Variants in HDAC8 observed in about 807,000 individuals in gnomAD.
HDAC8 encodes the protein histone deacetylase-like 1.
Under a neutral mutation model 32.2 loss-of-function variants are expected in HDAC8, and 1 was observed. That is an observed-to-expected ratio of 0.03 (90% confidence interval 0.01 to 0.15). The LOEUF (loss-of-function observed/expected upper bound fraction) is 0.15, where lower values mean the gene tolerates loss of function less well. Among genes scored for constraint, HDAC8 ranks in the 10% least tolerant of loss-of-function variants. The pLI, the probability that HDAC8 is intolerant of heterozygous loss-of-function variation, is 1.00. For synonymous variants in HDAC8, 108 were observed against 113.9 expected, an observed-to-expected ratio of 0.95 and a Z score of 0.33; for missense variants, 117 against 300.0, an observed-to-expected ratio of 0.39 and a Z score of 4.51.
intron 7 of HDAC8, among the ~76,000 whole-genome samples, chrX:72,487,593 C>T (rs2048719344): frequency 9.1e-6 from 1 of 110,159 alleles, no homozygotes. Context: ...TTAGGGTGAT[C>T]CATCTAGGGA....
intron 4 of HDAC8, among the ~76,000 whole-genome samples, chrX:72,512,769 A>C (rs981236938): frequency 1.8e-5 from 2 of 110,742 alleles, no homozygotes; most frequent in Non-Finnish European, 3.8e-5. Context: ...GACCTTCCTA[A>C]AGCACAACCC....
At position 72,497,414 on chromosome X, in the gene HDAC8, TA is replaced by T. The variant is rs558323726; in HGVS notation, c.438-2147del. ...TGAACGTTCAAGATTTTCAATATGC[TA>T]AAAAAAGTATTCCTATAAAAACAAA... On this transcript the variant is annotated intron_variant, in intron 4 of 10. Coordinates refer to ENST00000373573, the MANE Select transcript of HDAC8 (RefSeq NM_018486.3). 1.1e-4 allele frequency among the ~76,000 whole-genome samples: 12 copies of T among 111,672 alleles called. No individual in the cohort carries two copies. In the South Asian group the frequency reaches 4.5e-3, roughly 42 times the overall value.
chrX:72,435,785 T>C (rs1175424656), intron 9 of HDAC8, among the ~76,000 whole-genome samples: 4 of 110,796 alleles, frequency 3.6e-5, no homozygotes, highest in Non-Finnish European at 7.6e-5. Context: ...ATGGCCAACA[T>C]GGTGAAATCC....
intron 4 of HDAC8, among the ~76,000 whole-genome samples, chrX:72,508,683 G>A (rs1186129394): frequency 9.0e-6 from 1 of 111,575 alleles, no homozygotes; most frequent in Non-Finnish European, 1.9e-5. Context: ...CACAAGAGTA[G>A]GTCTGTTATA....
At chrX:72,434,022 A>C (rs1395095249) in intron 9 of HDAC8, among the ~76,000 whole-genome samples, 1 of 112,684 alleles carries the variant, frequency 8.9e-6, no homozygotes, top group Admixed American at 9.4e-5. Context: ...TAAATAAACT[A>C]ATGCATGTGG....
intron 9 of HDAC8, among the ~76,000 whole-genome samples, chrX:72,439,737 A>G (rs1257792673): frequency 2.7e-5 from 3 of 111,147 alleles, no homozygotes; most frequent in African/African-American, 3.3e-5. Flanking sequence ...AGGGCATTAC[A>G]TAATGGTAAA....
chrX:72,354,684 A>T (rs983783185), intron 9 of HDAC8, among the ~76,000 whole-genome samples: 20 of 111,675 alleles, frequency 1.8e-4, no homozygotes, highest in African/African-American at 5.2e-4. Context: ...AAAATTTTTT[A>T]AATGTCAATA....
At chrX:72,555,647 A>G (rs2051258689) in intron 4 of HDAC8, among the ~76,000 whole-genome samples, 1 of 112,573 alleles carries the variant, frequency 8.9e-6, no homozygotes, top group African/African-American at 3.2e-5. Flanking sequence ...CAAACAGAAG[A>G]AAGAACTTCA....
intron 7 of HDAC8, among the ~76,000 whole-genome samples, chrX:72,466,520 G>A (rs1449291930): frequency 8.9e-6 from 1 of 112,187 alleles, no homozygotes; most frequent in Admixed American, 9.4e-5. Flanking sequence ...GAACTACACT[G>A]AGCCAACTCT....
At chrX:72,566,147 G>A (rs782708652) in intron 4 of HDAC8, among the ~76,000 whole-genome samples, 3 of 108,299 alleles carry the variant, frequency 2.8e-5, no homozygotes, top group South Asian at 8.3e-4. Context: ...ACTCTGTCTC[G>A]AAAAAAACAA....
chrX:72,374,643 G>T (rs1391404104), intron 9 of HDAC8, among the ~76,000 whole-genome samples: 3 of 109,980 alleles, frequency 2.7e-5, no homozygotes, highest in African/African-American at 9.9e-5. Flanking sequence ...TTGCACTACA[G>T]CCTGGGTGAT....
chrX:72,438,280 C>T (rs1173955886), intron 9 of HDAC8, among the ~76,000 whole-genome samples: 1 of 112,086 alleles, frequency 8.9e-6, no homozygotes, highest in Non-Finnish European at 1.9e-5. Context: ...AACTAACAAA[C>T]AGAAAGGAAT....
At chrX:72,363,507 T>C (rs1377473944) in intron 9 of HDAC8, among the ~76,000 whole-genome samples, 1 of 111,391 alleles carries the variant, frequency 9.0e-6, no homozygotes, top group Non-Finnish European at 1.9e-5. Context: ...TTCTCTTTTC[T>C]TCAACACCTT....
At chrX:72,362,578 T>C (rs1314722571) in intron 9 of HDAC8, among the ~76,000 whole-genome samples, 1 of 112,406 alleles carries the variant, frequency 8.9e-6, no homozygotes, top group African/African-American at 3.2e-5. Flanking sequence ...AGAACCTACC[T>C]TTTAGGATTG....
intron 10 of HDAC8, among the ~76,000 whole-genome samples, chrX:72,335,909 TA>T (rs781970503): frequency 0.043 from 3,640 of 85,027 alleles, 159 homozygotes; most frequent in African/African-American, 0.14. Flanking sequence ...ACACTGTCTC[TA>T]AAAAAAAAAA....
At chrX:72,542,381 C>T (rs1485785512) in intron 4 of HDAC8, among the ~76,000 whole-genome samples, 1 of 112,130 alleles carries the variant, frequency 8.9e-6, no homozygotes, top group African/African-American at 3.2e-5. Flanking sequence ...CTACTGTAAT[C>T]ACTCCATTAC....
intron 10 of HDAC8, among the ~76,000 whole-genome samples, chrX:72,350,572 G>A: frequency 8.9e-6 from 1 of 111,939 alleles, no homozygotes; most frequent in Non-Finnish European, 1.9e-5. Flanking sequence ...CCCTGTCCAG[G>A]TTAGGCAAAA....
At chrX:72,460,427 C>G (rs1279417389) in intron 9 of HDAC8, among the ~76,000 whole-genome samples, 5 of 111,658 alleles carry the variant, frequency 4.5e-5, no homozygotes, top group African/African-American at 6.5e-5. Flanking sequence ...TGTAAGCCAC[C>G]ATGCCCGGCC....
intron 9 of HDAC8, among the ~76,000 whole-genome samples, chrX:72,415,865 T>C (rs1555971564): frequency 8.9e-6 from 1 of 111,953 alleles, no homozygotes; most frequent in Non-Finnish European, 1.9e-5. Flanking sequence ...AGATTTTCTA[T>C]GTACACAATC....
Sources: gnomAD v4.1 joint callset for allele counts (sites outside exome capture counted in the v4.1 genomes callset) on GRCh38, gnomAD v4.1.1 for gene constraint, MANE v1.5 for transcripts, NCBI Gene and HGNC (gene_info 2026-07-23, HGNC 2026-07-21) for gene names.